The following SYPL2 variants were observed in gnomAD, a reference collection of about 807,000 sequenced individuals.
The protein encoded by SYPL2 is synaptophysin like 2.
A neutral mutation model predicts 31.3 loss-of-function variants in SYPL2; 24 were observed. That is an observed-to-expected ratio of 0.77 (90% CI 0.56 to 1.08). SYPL2 has a LOEUF of 1.08. Ranked by LOEUF, SYPL2 falls within the 50% of genes least tolerant of loss-of-function variation. The pLI is 0.00. For synonymous variants in SYPL2, 144 were observed against 143.1 expected (o/e 1.01, Z -0.05); for missense variants, 342 against 360.1 (o/e 0.95, Z 0.41).
Position 109,466,878 on chromosome 1 carries a change from A to C in SYPL2, c.35A>C (p.Asp12Ala). ...ACCGAGAGCGCCGGCCGCACGGCGGACAAGTCGCCGCGCCAGCAGGTAGTC... is the reference window on the plus strand; with the variant it reads ...ACCGAGAGCGCCGGCCGCACGGCGGCCAAGTCGCCGCGCCAGCAGGTAGTC... ...SSTESAGRTA[D>A]KSPRQQVDRL... The change falls in exon 1 of 6, where the codon GAC becomes GCC. Residue 12 changes from aspartate (D) to alanine (A), a missense_variant. Asp to Ala is a moderately radical substitution (Grantham distance 126). Coordinates refer to ENST00000369872, the MANE Select transcript of SYPL2 (RefSeq NM_001040709.2). 6.5e-7 allele frequency: 1 copy of C among 1,529,762 alleles called. No individual in the cohort carries two copies. Among genetic ancestry groups the C allele is most frequent in the Non-Finnish European group, 8.7e-7 (1 of 1,144,108 alleles). The allele number at this position is 1,529,762 out of a possible 1,614,324, so 94.8% of individuals were successfully genotyped here.
rs1655973570 is a variant in SYPL2, at chr1:109,475,630, C to T, written c.179C>T (p.Thr60Ile). ...TCCTGTGGCTCCTACAGCGGGGAGA[C>T]AGGAGCAATGGTTCGCTGCAACAAC... ...FGSCGSYSGE[T>I]GAMVRCNNEA... The change falls in exon 3 of 6, where the codon ACA becomes ATA. Residue 60 changes from threonine (T) to isoleucine (I), a missense_variant. By Grantham distance (89) the Thr-to-Ile change is moderately conservative. Transcript: ENST00000369872. 1.2e-6 allele frequency: 2 copies of T among 1,614,068 alleles called. No homozygotes were observed. Among genetic ancestry groups the T allele is most frequent in the African/African-American group, 1.3e-5 (1 of 74,928 alleles).
chr1:109,472,915 C>T (rs1020158066), intron 2 of SYPL2, among the ~76,000 whole-genome samples: 7 of 152,072 alleles, frequency 4.6e-5, no homozygotes, highest in African/African-American at 7.2e-5. Context: ...CCACCATGCC[C>T]GGCCCCTGCT....
At chr1:109,469,913 G>C (rs777667824) in intron 2 of SYPL2, among the ~76,000 whole-genome samples, 2 of 151,038 alleles carry the variant, frequency 1.3e-5, no homozygotes, top group East Asian at 1.9e-4. Context: ...GATAGGCTTC[G>C]GTTTAAATTG....
intron 4 of SYPL2, among the ~76,000 whole-genome samples, chr1:109,477,454 T>C (rs539625031): frequency 6.6e-6 from 1 of 152,146 alleles, no homozygotes; most frequent in Non-Finnish European, 1.5e-5. Context: ...CCCATTTGCG[T>C]CCTGCAGTCT....
In SYPL2 at chr1:109,466,690, A is replaced by G; in HGVS notation, c.-154A>G. 2 of 720,736 alleles carry G rather than the reference A, an allele frequency of 2.8e-6. No individual in the cohort carries two copies. The highest frequency in any genetic ancestry group is 4.0e-6 in the Non-Finnish European group (2 of 505,750). 44.6% of individuals were successfully genotyped at this position (720,736 alleles called of 1,614,324 possible). A position where few individuals can be genotyped will look rare whatever the true frequency, so the allele number is the denominator to read the frequency against. On this transcript the variant is annotated 5_prime_UTR_variant, in exon 1 of 6. Coordinates refer to ENST00000369872, the MANE Select transcript of SYPL2 (RefSeq NM_001040709.2). The stretch of plus-strand genomic sequence containing the variant: ...CCGCGTCCCAGCCAGCCAGCCAGCC[A>G]GACTGGACTCCGGCCCACCGACGGC...
At position 109,476,926 on chromosome 1, in the gene SYPL2, C is replaced by A; in HGVS notation, c.405C>A (p.Ile135=). The change falls in exon 4 of 6, where the codon ATC becomes ATA. Residue 135 remains isoleucine, a synonymous_variant. Transcript: ENST00000369872. ...SFFYTMAALV[I]YLRFHNLYTE... is the part of the protein sequence containing the mutation. ...TCTATACCATGGCTGCCCTAGTTAT[C>A]TACCTGCGCTTCCACAACCTCTACA... The A allele has an allele frequency of 6.2e-7, 1 of 1,614,180 alleles. No homozygotes were observed. The highest frequency in any genetic ancestry group is 8.5e-7 in the Non-Finnish European group (1 of 1,180,028).
At chr1:109,479,039 G>A (rs1203246477) in intron 5 of SYPL2, among the ~76,000 whole-genome samples, 1 of 152,248 alleles carries the variant, frequency 6.6e-6, no homozygotes, top group Non-Finnish European at 1.5e-5. Context: ...TCCGAACAGG[G>A]CCTCACGCGT....
chr1:109,468,459 C>CTCT (rs910401717), intron 2 of SYPL2, among the ~76,000 whole-genome samples: 3 of 152,194 alleles, frequency 2.0e-5, no homozygotes, highest in African/African-American at 7.2e-5. Context: ...CTGGTGGGGA[C>CTCT]TCTCCACCTT....
intron 2 of SYPL2, among the ~76,000 whole-genome samples, chr1:109,470,436 G>A (rs1475686521): frequency 6.6e-6 from 1 of 152,212 alleles, no homozygotes; most frequent in African/African-American, 2.4e-5. Flanking sequence ...TGCCAAAGGG[G>A]AGCCTCATCC....
Position 109,479,564 on chromosome 1 carries a change from G to C in SYPL2, c.*16G>C, listed in dbSNP as rs1656105925. The C allele has an allele frequency of 1.1e-5, 17 of 1,609,760 alleles. No homozygotes were observed. The highest frequency in any genetic ancestry group is 1.8e-4 in the Middle Eastern group (1 of 5,558). ...GAAGCAGTAAGCAGCCCCCCACCTG[G>C]CTATTCCCGAACTGGACAGCACCTC... On this transcript the variant is annotated 3_prime_UTR_variant, in exon 6 of 6. Coordinates refer to ENST00000369872, the MANE Select transcript of SYPL2 (RefSeq NM_001040709.2).
chr1:109,471,567 C>T (rs1040363428), intron 2 of SYPL2, among the ~76,000 whole-genome samples: 25 of 132,000 alleles, frequency 1.9e-4, no homozygotes, highest in Non-Finnish European at 6.5e-5. Flanking sequence ...ATGTGCCTAG[C>T]GTGACTGAAC....
rs1656144302 is a variant in SYPL2 at position 109,480,960 on chromosome 1, C to T, written c.*1412C>T. ...CAATCTGCCCTGGCCATAGGGCTTCCCAGGGAAGGAAGAAGAGGGAAGAAT... is the reference window on the plus strand; with the variant it reads ...CAATCTGCCCTGGCCATAGGGCTTCTCAGGGAAGGAAGAAGAGGGAAGAAT... On this transcript the variant is annotated 3_prime_UTR_variant, in exon 6 of 6. Coordinates refer to ENST00000369872, the MANE Select transcript of SYPL2 (RefSeq NM_001040709.2). 1 of 152,632 alleles carries T rather than the reference C, an allele frequency of 6.6e-6. No homozygotes were observed. The highest frequency in any genetic ancestry group is 1.5e-5 in the Non-Finnish European group (1 of 68,058). The allele number at this position is 152,632 out of a possible 1,614,324, so 9.5% of individuals were successfully genotyped here.
intron 2 of SYPL2, among the ~76,000 whole-genome samples, chr1:109,468,831 A>G (rs1655737951): frequency 6.6e-6 from 1 of 152,184 alleles, no homozygotes; most frequent in South Asian, 2.1e-4. Context: ...AGGCTGTACA[A>G]AGCAATGCCC....
chr1:109,470,421 G>A (rs764707089), intron 2 of SYPL2, among the ~76,000 whole-genome samples: 3 of 152,348 alleles, frequency 2.0e-5, no homozygotes, highest in African/African-American at 7.2e-5. Context: ...CAGCGAGCAT[G>A]TCAGTGCCAA....
At chr1:109,477,713 A>G (rs1414940706) in intron 4 of SYPL2, 105 bp from the exon 5 acceptor site, 1 of 1,486,514 alleles carries the variant, frequency 6.7e-7, no homozygotes, top group African/African-American at 1.4e-5. Context: ...GGAAGAGGCA[A>G]CTGTCCTGGC....
At chr1:109,474,157 A>C (rs910871305) in intron 2 of SYPL2, among the ~76,000 whole-genome samples, 1 of 152,212 alleles carries the variant, frequency 6.6e-6, no homozygotes, top group Non-Finnish European at 1.5e-5. Context: ...TCGAAGAAAG[A>C]TACAGAGAGT....
At position 109,477,798 on chromosome 1, in the gene SYPL2, C is replaced by CATCCCTCT; in HGVS notation, c.457-19_457-12dup. On this transcript the variant is annotated intron_variant, in intron 4 of 5. Transcript: ENST00000369872. ...ATGGGGCCTTTCTGAGTGTATTTCC[C>CATCCCTCT]ATCCCTCTGCTCCTCCCAGGACTTC... 6.3e-7 allele frequency: 1 copy of CATCCCTCT among 1,577,166 alleles called. No homozygotes were observed.
At chr1:109,472,605 C>CTTTTTTTTTT (rs59224604) in intron 2 of SYPL2, among the ~76,000 whole-genome samples, 4 of 71,084 alleles carry the variant, frequency 5.6e-5, no homozygotes, top group African/African-American at 1.2e-4. Context: ...TTTTTCTTTA[C>CTTTTTTTTTT]TTTTTTTTTT....
At position 109,479,619 on chromosome 1, in the gene SYPL2, C is replaced by A; in HGVS notation, c.*71C>A. The A allele has an allele frequency of 6.5e-7, 1 of 1,549,388 alleles. No individual in the cohort carries two copies. Among genetic ancestry groups the A allele is most frequent in the South Asian group, 1.2e-5 (1 of 82,728 alleles). ...ACCACCTCCGGCTTCCAGGACCTTT[C>A]TCTTCCTCCTCCTCCAATTCCCCTC... is the stretch of plus-strand genomic sequence containing the variant. On this transcript the variant is annotated 3_prime_UTR_variant, in exon 6 of 6. Coordinates refer to ENST00000369872, the MANE Select transcript of SYPL2 (RefSeq NM_001040709.2).
Sources: gnomAD v4.1 joint callset for allele counts (sites outside exome capture counted in the v4.1 genomes callset) on GRCh38, gnomAD v4.1.1 for gene constraint, MANE v1.5 for transcripts, NCBI Gene and HGNC (gene_info 2026-07-23, HGNC 2026-07-21) for gene names.